NEGR1: variants seen among roughly 807,000 people sequenced by gnomAD.
The protein encoded by NEGR1 is neuronal growth regulator 1.
A neutral mutation model predicts 40.9 loss-of-function variants in NEGR1; 10 were observed. That is an observed-to-expected ratio of 0.24 (90% confidence interval 0.15 to 0.42). NEGR1 has a LOEUF of 0.42. NEGR1 is among the 10% of genes least tolerant of loss of function. The pLI is 1.00. For missense variants in NEGR1, 352 were observed against 438.9 expected (o/e 0.80, Z 1.77); for synonymous variants, 185 against 166.8 (o/e 1.11, Z -0.84).
intron 6 of NEGR1, among the ~76,000 whole-genome samples, chr1:71,557,481 G>A (rs953749380): frequency 6.6e-6 from 1 of 151,604 alleles, no homozygotes; most frequent in Non-Finnish European, 1.5e-5. Context: ...GAGAAAGCAA[G>A]TATTGATAAA....
chr1:72,219,815 A>C (rs1375447760), intron 1 of NEGR1, among the ~76,000 whole-genome samples: 1 of 152,116 alleles, frequency 6.6e-6, no homozygotes, highest in African/African-American at 2.4e-5. Context: ...AAACCAGCTA[A>C]CAATCACTTT....
intron 1 of NEGR1, among the ~76,000 whole-genome samples, chr1:71,997,310 A>G (rs1646513406): frequency 6.6e-6 from 1 of 152,038 alleles, no homozygotes; most frequent in Admixed American, 6.5e-5. Context: ...TTCCACTACT[A>G]TCTCCTCATT....
chr1:71,903,988 C>A (rs1661211254), intron 2 of NEGR1, among the ~76,000 whole-genome samples: 1 of 151,910 alleles, frequency 6.6e-6, no homozygotes, highest in African/African-American at 2.4e-5. Context: ...TGATTTATTA[C>A]TTTCTTTCCC....
At chr1:71,783,097 C>T (rs1656775332) in intron 2 of NEGR1, among the ~76,000 whole-genome samples, 1 of 151,776 alleles carries the variant, frequency 6.6e-6, no homozygotes, top group Non-Finnish European at 1.5e-5. Context: ...CCTCCAAAGA[C>T]TTGGAGTCTG....
chr1:71,777,862 C>T (rs1359399018), intron 2 of NEGR1, among the ~76,000 whole-genome samples: 1 of 151,974 alleles, frequency 6.6e-6, no homozygotes, highest in Non-Finnish European at 1.5e-5. Flanking sequence ...GTAACTGTTT[C>T]CAAATGACAT....
At chr1:71,589,941 T>C (rs1649443160) in intron 6 of NEGR1, among the ~76,000 whole-genome samples, 1 of 152,106 alleles carries the variant, frequency 6.6e-6, no homozygotes, top group Non-Finnish European at 1.5e-5. Context: ...CCCTCATCTC[T>C]CAATACTCTC....
At chr1:72,237,906 T>C (rs1021348805) in intron 1 of NEGR1, among the ~76,000 whole-genome samples, 1 of 151,940 alleles carries the variant, frequency 6.6e-6, no homozygotes, top group East Asian at 1.9e-4. Flanking sequence ...ATGCAGGGTT[T>C]TTGTGAACAT....
At chr1:72,092,767 C>A (rs1461456054) in intron 1 of NEGR1, among the ~76,000 whole-genome samples, 4 of 152,052 alleles carry the variant, frequency 2.6e-5, no homozygotes, top group Non-Finnish European at 4.4e-5. Flanking sequence ...CCTACCACCT[C>A]AGCCTCCCAA....
In NEGR1 at chr1:72,134,994, C is replaced by T. The variant is rs186178158; in HGVS notation, c.176+147325G>A. 4.4e-3 allele frequency among the ~76,000 whole-genome samples: 673 copies of T among 151,514 alleles called. 5 individuals carry two copies. The highest frequency in any genetic ancestry group is 5.6e-3 in the Non-Finnish European group (380 of 67,832). On this transcript the variant is annotated intron_variant, in intron 1 of 6. Transcript: ENST00000357731. Reference sequence around the variant, plus strand: ...TCTGGTAAACTGCCTACCTCGGCCTCCCAAAGTGCTGGGATTACAGGCGTG... The same window carrying T: ...TCTGGTAAACTGCCTACCTCGGCCTTCCAAAGTGCTGGGATTACAGGCGTG...
At chr1:71,878,066 C>T (rs919596389) in intron 2 of NEGR1, among the ~76,000 whole-genome samples, 6 of 152,134 alleles carry the variant, frequency 3.9e-5, no homozygotes, top group African/African-American at 1.4e-4. Context: ...TAATTTCAAA[C>T]ATTGGAAAAT....
At chr1:72,219,592 G>T (rs1653943751) in intron 1 of NEGR1, among the ~76,000 whole-genome samples, 1 of 151,914 alleles carries the variant, frequency 6.6e-6, no homozygotes, top group South Asian at 2.1e-4. Context: ...TTAGAAAGTT[G>T]TCTGTCTATA....
At chr1:71,732,492 CTG>C (rs141925137) in intron 3 of NEGR1, among the ~76,000 whole-genome samples, 55,909 of 147,174 alleles carry the variant, frequency 0.38, 11,707 homozygotes, top group Non-Finnish European at 0.49. Context: ...TTACTGAATG[CTG>C]TGTGTGTGTG....
chr1:71,880,234 G>T (rs1660545557), intron 2 of NEGR1, among the ~76,000 whole-genome samples: 1 of 151,740 alleles, frequency 6.6e-6, no homozygotes, highest in African/African-American at 2.4e-5. Context: ...TTGCAGAGAG[G>T]CCTATAATTT....
chr1:72,031,607 T>G (rs1021271755), intron 1 of NEGR1, among the ~76,000 whole-genome samples: 2 of 152,260 alleles, frequency 1.3e-5, no homozygotes, highest in African/African-American at 2.4e-5. Context: ...CACAAAGCAT[T>G]ACCGAATTTT....
chr1:72,059,398 G>T (rs959543719), intron 1 of NEGR1, among the ~76,000 whole-genome samples: 2 of 151,554 alleles, frequency 1.3e-5, no homozygotes, highest in Admixed American at 6.6e-5. Flanking sequence ...TCTGGGGGGT[G>T]TGGGGAGTGC....
At chr1:72,003,846 AATTT>A (rs1431749190) in intron 1 of NEGR1, among the ~76,000 whole-genome samples, 3 of 152,104 alleles carry the variant, frequency 2.0e-5, no homozygotes, top group Admixed American at 6.6e-5. Context: ...CATTATAAAT[AATTT>A]ATTTATTTTT....
intron 3 of NEGR1, among the ~76,000 whole-genome samples, chr1:71,735,652 C>T (rs1446732974): frequency 6.6e-6 from 1 of 151,860 alleles, no homozygotes; most frequent in Non-Finnish European, 1.5e-5. Flanking sequence ...CACATATATA[C>T]ACACACATCG....
intron 1 of NEGR1, among the ~76,000 whole-genome samples, chr1:72,226,872 T>G (rs1654207251): frequency 6.6e-6 from 1 of 152,070 alleles, no homozygotes; most frequent in South Asian, 2.1e-4. Context: ...AAAATGGTAC[T>G]AAGAAATGTG....
At chr1:71,652,274 A>T (rs1981073) in intron 4 of NEGR1, among the ~76,000 whole-genome samples, 5,590 of 152,152 alleles carry the variant, frequency 0.037, 134 homozygotes, top group African/African-American at 0.073. Flanking sequence ...AATCTTTATC[A>T]TTTTTTTACA....
Sources: gnomAD v4.1 joint callset for allele counts (sites outside exome capture counted in the v4.1 genomes callset) on GRCh38, gnomAD v4.1.1 for gene constraint, MANE v1.5 for transcripts, NCBI Gene and HGNC (gene_info 2026-07-23, HGNC 2026-07-21) for gene names.